Variants in JHY observed in about 807,000 individuals in gnomAD.
JHY encodes the protein jhy protein homolog.
JHY carries 69 observed loss-of-function variants against 78.0 expected under a neutral mutation model. The ratio of observed to expected loss-of-function variants is 0.88; its 90% confidence interval spans 0.73 to 1.08. The LOEUF (loss-of-function observed/expected upper bound fraction) is 1.08, where lower values mean the gene tolerates loss of function less well. Among genes scored for constraint, JHY ranks in the 50% least tolerant of loss-of-function variants. JHY has a pLI of 0.00. For synonymous variants in JHY, 368 were observed against 342.6 expected, an observed-to-expected ratio of 1.07 and a Z score of -0.82; for missense variants, 944 against 927.8, an observed-to-expected ratio of 1.02 and a Z score of -0.23.
intron 3 of JHY, among the ~76,000 whole-genome samples, chr11:122,919,724 A>G (rs1801955121): frequency 6.6e-6 from 1 of 152,222 alleles, no homozygotes; most frequent in Non-Finnish European, 1.5e-5. Context: ...CACGCCTGTA[A>G]TCCCAGCACT....
Position 122,962,524 on chromosome 11 carries a change from T to C in JHY, c.*3079T>C, listed in dbSNP as rs1350041100. ...AGACAGGAAAATCACAGGCCAAAACTACTCCTAAAATGTATTTATAAGAGA... is the reference window on the plus strand; with the variant it reads ...AGACAGGAAAATCACAGGCCAAAACCACTCCTAAAATGTATTTATAAGAGA... On this transcript the variant is annotated 3_prime_UTR_variant, in exon 9 of 9. Coordinates refer to ENST00000227349, the MANE Select transcript of JHY (RefSeq NM_024806.4). Among the ~76,000 whole-genome samples, 3 of 152,148 alleles carry C rather than the reference T, an allele frequency of 2.0e-5. No individual in the cohort carries two copies. Among genetic ancestry groups the C allele is most frequent in the African/African-American group, 4.8e-5 (2 of 41,432 alleles).
Position 122,961,196 on chromosome 11 carries a change from A to ATAAAC in JHY, c.*1753_*1754insAACTA. 4.1e-6 allele frequency: 2 copies of ATAAAC among 488,494 alleles called. No individual in the cohort carries two copies. Among genetic ancestry groups the ATAAAC allele is most frequent in the East Asian group, 7.3e-5 (2 of 27,352 alleles). The allele number at this position is 488,494 out of a possible 1,614,324, so 30.3% of individuals were successfully genotyped here. On this transcript the variant is annotated 3_prime_UTR_variant, in exon 9 of 9. Coordinates refer to ENST00000227349, the MANE Select transcript of JHY (RefSeq NM_024806.4). ...TGCCCTCTACTGAAGTAGATAGTTTATATCTCCTAAAAATGAAACATTTGT... is the reference window on the plus strand; with the variant it reads ...TGCCCTCTACTGAAGTAGATAGTTTATAAACTATCTCCTAAAAATGAAACATTTGT...
intron 6 of JHY, among the ~76,000 whole-genome samples, chr11:122,954,037 T>G (rs1401974429): frequency 6.6e-6 from 1 of 152,230 alleles, no homozygotes; most frequent in Non-Finnish European, 1.5e-5. Flanking sequence ...GAATATTGCC[T>G]TCAGTGGGCA....
At position 122,904,246 on chromosome 11, in the gene JHY, G is replaced by C; in HGVS notation, c.666G>C (p.Ser222=). ...ELSDSDLEEK[S]SSLSPYVKSS... ...GCGACAGTGACCTGGAGGAGAAGTCGAGCAGCCTTTCTCCGTACGTGAAGA... is the reference window on the plus strand; with the variant it reads ...GCGACAGTGACCTGGAGGAGAAGTCCAGCAGCCTTTCTCCGTACGTGAAGA... The change falls in exon 3 of 9, where the codon TCG becomes TCC. Residue 222 remains serine, a synonymous_variant. Coordinates refer to ENST00000227349, the MANE Select transcript of JHY (RefSeq NM_024806.4). 3 of 1,614,146 alleles carry C rather than the reference G, an allele frequency of 1.9e-6. No individual in the cohort carries two copies. The highest frequency in any genetic ancestry group is 2.5e-6 in the Non-Finnish European group (3 of 1,180,024).
At chr11:122,923,371 G>T (rs1324409596) in intron 3 of JHY, among the ~76,000 whole-genome samples, 3 of 152,176 alleles carry the variant, frequency 2.0e-5, no homozygotes, top group Non-Finnish European at 4.4e-5. Flanking sequence ...TGACAAACAG[G>T]TAAGTCTTGC....
Position 122,883,491 on chromosome 11 carries a change from G to C in JHY, c.-90+519G>C, listed in dbSNP as rs1240958532. Among the ~76,000 whole-genome samples, 2 of 152,126 alleles carry C rather than the reference G, an allele frequency of 1.3e-5. No individual in the cohort carries two copies. The highest frequency in any genetic ancestry group is 2.9e-5 in the Non-Finnish European group (2 of 68,036). Reference sequence around the variant, plus strand: ...TGCAGGGATCCCTGGGGAGCTGGCCGCTTCTTAGTCCCTAGGTGCCATCGG... The same window carrying C: ...TGCAGGGATCCCTGGGGAGCTGGCCCCTTCTTAGTCCCTAGGTGCCATCGG... On this transcript the variant is annotated intron_variant, in intron 1 of 8. Coordinates refer to ENST00000227349, the MANE Select transcript of JHY (RefSeq NM_024806.4). This position sits in a 1 kb window ranked among gnomAD's most constrained non-coding sequence, Gnocchi z 4.4.
chr11:122,922,227 T>A (rs1863381431), intron 3 of JHY, among the ~76,000 whole-genome samples: 1 of 152,220 alleles, frequency 6.6e-6, no homozygotes, highest in Non-Finnish European at 1.5e-5. Context: ...TTTCCCACTT[T>A]CAGATCAACC....
intron 2 of JHY, among the ~76,000 whole-genome samples, chr11:122,887,174 C>T (rs1862512188): frequency 6.6e-6 from 1 of 152,056 alleles, no homozygotes; most frequent in Admixed American, 6.6e-5. Flanking sequence ...ATAACCTTGG[C>T]CAAGTCCAAT....
rs1187862112 is a variant in JHY, at chr11:122,913,215, C to T, written c.864+8771C>T. Among the ~76,000 whole-genome samples, 3 of 152,194 alleles carry T rather than the reference C, an allele frequency of 2.0e-5. No homozygotes were observed. The East Asian group carries it at 5.8e-4, about 29-fold the overall frequency. On this transcript the variant is annotated intron_variant, in intron 3 of 8. Transcript: ENST00000227349. ...GGGTCCCCGGTCAATCAAACACTGTCCTAGGGATTACAGAACGCTACAATC... is the reference window on the plus strand; with the variant it reads ...GGGTCCCCGGTCAATCAAACACTGTTCTAGGGATTACAGAACGCTACAATC...
chr11:122,957,811 T>TTA (rs1555062666), intron 8 of JHY, among the ~76,000 whole-genome samples: 110 of 149,814 alleles, frequency 7.3e-4, no homozygotes, highest in African/African-American at 2.6e-3. Flanking sequence ...ACACACACAG[T>TTA]CACACACACA....
At chr11:122,886,974 C>T (rs1862508449) in intron 2 of JHY, among the ~76,000 whole-genome samples, 1 of 150,916 alleles carries the variant, frequency 6.6e-6, no homozygotes, top group Non-Finnish European at 1.5e-5. Context: ...TATGAGCTAC[C>T]AAAAAAAAGT....
intron 4 of JHY, among the ~76,000 whole-genome samples, chr11:122,930,298 C>T (rs1481998865): frequency 6.6e-6 from 1 of 151,960 alleles, no homozygotes; most frequent in Non-Finnish European, 1.5e-5. Flanking sequence ...TCAAGCTGGT[C>T]TCAACTCCTG....
chr11:122,941,499 T>TA (rs1863873901), intron 5 of JHY, among the ~76,000 whole-genome samples: 3 of 152,216 alleles, frequency 2.0e-5, no homozygotes, highest in Admixed American at 6.5e-5. Flanking sequence ...CCAGTACCAC[T>TA]ACCAAACAGT....
intron 3 of JHY, among the ~76,000 whole-genome samples, chr11:122,922,045 G>A (rs1449004821): frequency 6.6e-6 from 1 of 152,178 alleles, no homozygotes; most frequent in Non-Finnish European, 1.5e-5. Context: ...TTTAGCACAA[G>A]TTGAATTGTT....
At chr11:122,943,657 T>C (rs1409921925) in intron 5 of JHY, among the ~76,000 whole-genome samples, 2 of 152,222 alleles carry the variant, frequency 1.3e-5, no homozygotes, top group Non-Finnish European at 2.9e-5. Flanking sequence ...ATAATTGATA[T>C]ATCTTCCTGA....
At chr11:122,923,157 G>A (rs1033679483) in intron 3 of JHY, among the ~76,000 whole-genome samples, 1 of 152,208 alleles carries the variant, frequency 6.6e-6, no homozygotes, top group Non-Finnish European at 1.5e-5. Flanking sequence ...GCGCAGAGCT[G>A]TTGTCTGAAG....
chr11:122,938,986 C>CTTTTTTT (rs61703024), intron 5 of JHY, among the ~76,000 whole-genome samples: 1 of 133,880 alleles, frequency 7.5e-6, no homozygotes. Context: ...CCTGCTTCTT[C>CTTTTTTT]TTTTTTTTTT....
In JHY at chr11:122,898,321, T is replaced by G. The variant is rs1295703120; in HGVS notation, c.345-5604T>G. Among the ~76,000 whole-genome samples the G allele has an allele frequency of 6.6e-6, 1 of 152,148 alleles. No homozygotes were observed. The highest frequency in any genetic ancestry group is 2.4e-5 in the African/African-American group (1 of 41,440). ...AACCTACTTTCTTCACTGTCACCTA[T>G]GGGAATAGCTGCAGGGTACAATGCA... On this transcript the variant is annotated intron_variant, in intron 2 of 8. Coordinates refer to ENST00000227349, the MANE Select transcript of JHY (RefSeq NM_024806.4). This position sits in a 1 kb window ranked among gnomAD's most constrained non-coding sequence, Gnocchi z 4.4.
intron 1 of JHY, among the ~76,000 whole-genome samples, chr11:122,885,036 C>G (rs1178208596): frequency 3.3e-5 from 5 of 150,898 alleles, no homozygotes; most frequent in Non-Finnish European, 7.4e-5. Context: ...TCTTGAACTC[C>G]TGGACTTAAG....
Sources: gnomAD v4.1 joint callset for allele counts (sites outside exome capture counted in the v4.1 genomes callset) on GRCh38, gnomAD v4.1.1 for gene constraint, Gnocchi (gnomAD v3.1) non-coding constraint, MANE v1.5 for transcripts, NCBI Gene and HGNC (gene_info 2026-07-23, HGNC 2026-07-21) for gene names.